Variants in TUSC3 observed in about 807,000 individuals in gnomAD.
TUSC3 encodes the protein dolichyl-diphosphooligosaccharide--protein glycosyltransferase subunit TUSC3.
A neutral mutation model predicts 44.8 loss-of-function variants in TUSC3; 45 were observed. That is an observed-to-expected ratio of 1.00 (90% confidence interval 0.79 to 1.29). TUSC3 has a LOEUF of 1.29. Ranked by LOEUF, TUSC3 falls within the 50% of genes most tolerant of loss-of-function variation. TUSC3 has a pLI of 0.00. For synonymous variants in TUSC3, 212 were observed against 152.9 expected, an observed-to-expected ratio of 1.39 and a Z score of -2.85; for missense variants, 519 against 437.9, an observed-to-expected ratio of 1.19 and a Z score of -1.65.
At chr8:15,589,498 T>TA (rs1300227900) in intron 1 of TUSC3, among the ~76,000 whole-genome samples, 3 of 152,208 alleles carry the variant, frequency 2.0e-5, no homozygotes, top group Non-Finnish European at 2.9e-5. Flanking sequence ...AAGAGGGGTT[T>TA]AACATGAGGT....
At chr8:15,596,996 TA>T (rs1804099726) in intron 1 of TUSC3, among the ~76,000 whole-genome samples, 1 of 152,134 alleles carries the variant, frequency 6.6e-6, no homozygotes, top group African/African-American at 2.4e-5. Context: ...TGAAAGTTAA[TA>T]ATTAGTTGTG....
intron 1 of TUSC3, among the ~76,000 whole-genome samples, chr8:15,548,871 T>G (rs1585090532): frequency 1.3e-5 from 2 of 151,788 alleles, no homozygotes; most frequent in East Asian, 3.9e-4. Context: ...ATTGTTGAGG[T>G]ACATGTAGCC....
intron 3 of TUSC3, among the ~76,000 whole-genome samples, chr8:15,658,620 G>A (rs1047438771): frequency 3.8e-5 from 5 of 129,996 alleles, no homozygotes; most frequent in African/African-American, 1.6e-4. Flanking sequence ...TTTAATTCGT[G>A]TATATATACA....
chr8:15,584,560 G>T (rs1205033530), intron 1 of TUSC3, among the ~76,000 whole-genome samples: 2 of 152,194 alleles, frequency 1.3e-5, no homozygotes, highest in African/African-American at 4.8e-5. Context: ...GCCACTTTAT[G>T]AGCTAATAAG....
chr8:15,686,564 G>C (rs1326258630), intron 6 of TUSC3, among the ~76,000 whole-genome samples: 2 of 151,730 alleles, frequency 1.3e-5, no homozygotes, highest in South Asian at 2.1e-4. Context: ...TCATGCCTCA[G>C]GGATTTTGCA....
At chr8:15,575,456 T>G (rs573289101) in intron 1 of TUSC3, among the ~76,000 whole-genome samples, 1 of 152,278 alleles carries the variant, frequency 6.6e-6, no homozygotes, top group Admixed American at 6.5e-5. Context: ...GAGGATAATA[T>G]ATATTTTATT....
At chr8:15,452,550 A>G (rs1800208128) in intron 1 of TUSC3, among the ~76,000 whole-genome samples, 1 of 152,228 alleles carries the variant, frequency 6.6e-6, no homozygotes, top group South Asian at 2.1e-4. Flanking sequence ...TAATTAGGGA[A>G]GAGGAGCCAA....
At chr8:15,592,886 C>G (rs961978817) in intron 1 of TUSC3, among the ~76,000 whole-genome samples, 1 of 152,042 alleles carries the variant, frequency 6.6e-6, no homozygotes, top group Non-Finnish European at 1.5e-5. Context: ...CTTAAGCTAG[C>G]CAGCCAGTAG....
intron 1 of TUSC3, among the ~76,000 whole-genome samples, chr8:15,604,769 T>C (rs1238490895): frequency 6.6e-6 from 1 of 151,456 alleles, no homozygotes; most frequent in African/African-American, 2.4e-5. Flanking sequence ...GTTAGGACTG[T>C]GGTATTCTGC....
rs560312846 is a variant in TUSC3, at chr8:15,568,863, A to T, written c.138+28295A>T. ...TTTTTTCCATTTTTGGTACTTGGAG[A>T]TTACATTATCATTTATTTTTTTTTC... is the stretch of plus-strand genomic sequence containing the variant. On this transcript the variant is annotated intron_variant, in intron 1 of 10. Transcript: ENST00000503731. 4.6e-5 allele frequency among the ~76,000 whole-genome samples: 7 copies of T among 151,972 alleles called. No individual in the cohort carries two copies. In the South Asian group the frequency reaches 1.5e-3, roughly 32 times the overall value.
chr8:15,526,242 C>G (rs180972295), intron 2 of TUSC3, among the ~76,000 whole-genome samples: 2 of 152,158 alleles, frequency 1.3e-5, no homozygotes, highest in African/African-American at 4.8e-5. Context: ...ATCATGTTAG[C>G]CAGGGTGGTC....
chr8:15,744,142 C>T (rs1366366809), intron 8 of TUSC3, among the ~76,000 whole-genome samples: 2 of 152,138 alleles, frequency 1.3e-5, no homozygotes, highest in African/African-American at 4.8e-5. Context: ...AGGGTCTTTG[C>T]CTTTTCCATT....
At chr8:15,544,571 C>T (rs1051864737) in intron 1 of TUSC3, among the ~76,000 whole-genome samples, 1 of 151,726 alleles carries the variant, frequency 6.6e-6, no homozygotes, top group Non-Finnish European at 1.5e-5. Context: ...TTCTATATGT[C>T]ATTAATGTTT....
intron 1 of TUSC3, among the ~76,000 whole-genome samples, chr8:15,448,654 CTAAA>C (rs1384990460): frequency 3.9e-5 from 6 of 152,080 alleles, no homozygotes; most frequent in East Asian, 1.9e-4. Context: ...GCAGGATTGG[CTAAA>C]TAAATAATGT....
chr8:15,614,696 T>C (rs1804914648), intron 1 of TUSC3, among the ~76,000 whole-genome samples: 1 of 152,144 alleles, frequency 6.6e-6, no homozygotes, highest in Admixed American at 6.5e-5. Context: ...CAACAGTTGA[T>C]GAAAATTTAA....
At chr8:15,829,406 C>T in the TUSC3 span, among the ~76,000 whole-genome samples, 2 of 152,100 alleles carry the variant, frequency 1.3e-5, no homozygotes, top group African/African-American at 2.4e-5. Flanking sequence ...TTTACCCTTC[C>T]TTACCTAAAC....
the TUSC3 span, among the ~76,000 whole-genome samples, chr8:15,796,302 G>A: frequency 6.6e-6 from 1 of 152,118 alleles, no homozygotes; most frequent in Admixed American, 6.5e-5. Context: ...AGTGGTCCAC[G>A]TGTTTTGATT....
intron 1 of TUSC3, among the ~76,000 whole-genome samples, chr8:15,564,243 T>C (rs982591869): frequency 6.6e-6 from 1 of 152,146 alleles, no homozygotes; most frequent in African/African-American, 2.4e-5. Context: ...TTATGGAGAA[T>C]AGTAGATAAC....
intron 2 of TUSC3, among the ~76,000 whole-genome samples, chr8:15,626,430 A>G (rs1212711795): frequency 1.3e-5 from 2 of 152,086 alleles, no homozygotes; most frequent in Admixed American, 6.6e-5. Context: ...GGGAGCGGGG[A>G]GCAGACAGTA....
Sources: allele counts gnomAD v4.1 joint callset (sites outside exome capture counted in the v4.1 genomes callset), GRCh38; gene constraint gnomAD v4.1.1; transcripts MANE v1.5; gene names NCBI Gene and HGNC (gene_info 2026-07-23, HGNC 2026-07-21).